Variants in SETDB1 observed in about 807,000 individuals in gnomAD.
SETDB1 encodes the protein SET domain bifurcated histone lysine methyltransferase 1, also known as histone-lysine N-methyltransferase SETDB1.
SETDB1 carries 31 observed loss-of-function variants against 137.4 expected under a neutral mutation model. The observed-to-expected ratio is 0.23, with a 90% CI of 0.17 to 0.30. The LOEUF is 0.30. Among genes scored for constraint, SETDB1 ranks in the 10% least tolerant of loss-of-function variants. The probability of loss-of-function intolerance (pLI) is 1.00; values close to 1 mark genes in which losing one functional copy is unlikely to be tolerated. For synonymous variants in SETDB1, 548 were observed against 579.9 expected, an observed-to-expected ratio of 0.95 and a Z score of 0.79; for missense variants, 1,113 against 1,631.5, an observed-to-expected ratio of 0.68 and a Z score of 5.47.
intron 18 of SETDB1, 28 bp downstream of exon 18, chr1:150,962,747 C>CT (rs772334846): frequency 8.7e-6 from 14 of 1,608,680 alleles, no homozygotes; most frequent in Middle Eastern, 1.7e-4. Context: ...TATTCAGAGT[C>CT]TAATAAAGGA....
At chr1:150,944,595 T>C (rs1670266623) in intron 8 of SETDB1, among the ~76,000 whole-genome samples, 1 of 152,202 alleles carries the variant, frequency 6.6e-6, no homozygotes, top group South Asian at 2.1e-4. Flanking sequence ...ACCTGATCTT[T>C]TTAAATTTAC....
At position 150,947,011 on chromosome 1, in the gene SETDB1, G is replaced by T; in HGVS notation, c.1266G>T (p.Met422Ile). ...KQGQLRTRPN[M>I]GAVRSKGPVV... ...GACAGCTCAGGACACGTCCAAATATGGGTATGTCCTGAAAGATTCCTGGAG... is the reference window on the plus strand; with the variant it reads ...GACAGCTCAGGACACGTCCAAATATTGGTATGTCCTGAAAGATTCCTGGAG... The change falls in exon 10 of 22, where the codon ATG becomes ATT. Residue 422 changes from methionine (M) to isoleucine (I), a missense_variant and splice_region_variant. Physicochemically the swap from Met to Ile is conservative, Grantham distance 10. Transcript: ENST00000692827. 6.2e-7 allele frequency: 1 copy of T among 1,613,878 alleles called. No homozygotes were observed. Among genetic ancestry groups the T allele is most frequent in the South Asian group, 1.1e-5 (1 of 91,060 alleles).
chr1:150,956,825 GAAA>G (rs1670656075), intron 14 of SETDB1, among the ~76,000 whole-genome samples: 1 of 150,460 alleles, frequency 6.6e-6, no homozygotes, highest in Admixed American at 6.6e-5. Flanking sequence ...TTTAAAGTTA[GAAA>G]AAAAAGCTAG....
At chr1:150,936,443 A>G (rs1463143668) in intron 3 of SETDB1, among the ~76,000 whole-genome samples, 2 of 152,208 alleles carry the variant, frequency 1.3e-5, no homozygotes, top group African/African-American at 2.4e-5. Context: ...GACTTCTTCA[A>G]CATTGTGTTG....
intron 3 of SETDB1, among the ~76,000 whole-genome samples, chr1:150,931,726 C>CAAAAAA (rs10691133): frequency 5.3e-4 from 38 of 72,272 alleles, no homozygotes; most frequent in East Asian, 9.1e-4. Flanking sequence ...CTGTCTCACC[C>CAAAAAA]AAAAAAAAAA....
At chr1:150,960,498 AAAC>A in intron 15 of SETDB1, 62 bp from the exon 16 acceptor site, 19 of 1,373,184 alleles carry the variant, frequency 1.4e-5, no homozygotes, top group East Asian at 9.5e-5. Context: ...AAAAAAAAGC[AAAC>A]AAAAAAAAAA....
In SETDB1 at chr1:150,941,480, A is replaced by G. The variant is rs41304267; in HGVS notation, c.547+52A>G. ...AGATGGGAGGTGAATTCTTACAGAG[A>G]TTTTGTCTTAAGTCTTATGTCTGCT... On this transcript the variant is annotated intron_variant, in intron 5 of 21. Transcript: ENST00000692827. 2,901 of 1,117,776 alleles carry G rather than the reference A, an allele frequency of 2.6e-3. 4 individuals carry two copies. The highest frequency in any genetic ancestry group is 3.4e-3 in the Non-Finnish European group (2,504 of 734,358). The allele number at this position is 1,117,776 out of a possible 1,614,324, so 69.2% of individuals were successfully genotyped here.
Position 150,963,521 on chromosome 1 carries a change from C to T in SETDB1, c.3461-9C>T. 6.2e-7 allele frequency: 1 copy of T among 1,604,756 alleles called. No homozygotes were observed. Among genetic ancestry groups the T allele is most frequent in the Non-Finnish European group, 8.5e-7 (1 of 1,174,336 alleles). On this transcript the variant is annotated splice_polypyrimidine_tract_variant and intron_variant, in intron 19 of 21. Coordinates refer to ENST00000692827, the MANE Select transcript of SETDB1 (RefSeq NM_001366418.1). ...GATGGGTCCTGACCCCATTCTCCCT[C>T]CTGTCCAGGTCCAATGAAGCGTCAA...
Position 150,950,525 on chromosome 1 carries a change from G to A in SETDB1, c.1651G>A (p.Val551Ile). 6.2e-7 allele frequency: 1 copy of A among 1,613,956 alleles called. No homozygotes were observed. Among genetic ancestry groups the A allele is most frequent in the Non-Finnish European group, 8.5e-7 (1 of 1,179,930 alleles). ...ACTCCCGGCCCCTCCAGCACCCCCAGTCTTCCATGGCATGCTGGAGCGGGC... is the reference window on the plus strand; with the variant it reads ...ACTCCCGGCCCCTCCAGCACCCCCAATCTTCCATGGCATGCTGGAGCGGGC... ...SALPAPPAPP[V>I]FHGMLERAPA... The change falls in exon 13 of 22, where the codon GTC becomes ATC. Residue 551 changes from valine to isoleucine, a missense_variant. By Grantham distance (29) the Val-to-Ile change is conservative. Coordinates refer to ENST00000692827, the MANE Select transcript of SETDB1 (RefSeq NM_001366418.1).
In SETDB1 at chr1:150,942,853, G is replaced by T. The variant is rs763208166; in HGVS notation, c.675G>T (p.Gly225=). The T allele has an allele frequency of 3.7e-6, 6 of 1,613,430 alleles. No individual in the cohort carries two copies. The highest frequency in any genetic ancestry group is 5.1e-6 in the Non-Finnish European group (6 of 1,179,490). Residue 225 remains glycine (G), a splice_region_variant and synonymous_variant, in exon 7 of 22, where the codon GGG becomes GGT. Transcript: ENST00000692827. ...KGTLIAIQTV[G]PGKKYKVKFD... ...GATTTATCTTTCCCTTTTACTCAGG[G>T]CCAGGGAAGAAATACAAGGTGAAAT...
chr1:150,949,628 A>G, intron 12 of SETDB1, 103 bp downstream of exon 12: 3 of 1,011,642 alleles, frequency 3.0e-6, no homozygotes, highest in Non-Finnish European at 4.4e-6. Context: ...TAAGCTTATG[A>G]TAGTGAGGAG....
chr1:150,962,211 C>G, intron 17 of SETDB1, 53 bp downstream of exon 17: 1 of 1,526,904 alleles, frequency 6.5e-7, no homozygotes, highest in Non-Finnish European at 9.1e-7. Context: ...CTTTGTCACC[C>G]AGGCTGGAGT....
At chr1:150,945,294 A>C in intron 9 of SETDB1, 186 bp downstream of exon 9, 1 of 1,445,372 alleles carries the variant, frequency 6.9e-7, no homozygotes, top group Non-Finnish European at 9.1e-7. Context: ...CATTGTTGAA[A>C]ATAAATTATC....
intron 14 of SETDB1, among the ~76,000 whole-genome samples, chr1:150,956,086 C>A (rs1287653616): frequency 1.9e-5 from 1 of 52,700 alleles, no homozygotes; most frequent in African/African-American, 1.1e-4. Flanking sequence ...AAGGAGACTT[C>A]GTCTCAAAAA....
At chr1:150,937,568 C>T (rs1247824432) in intron 3 of SETDB1, among the ~76,000 whole-genome samples, 7 of 152,094 alleles carry the variant, frequency 4.6e-5, no homozygotes, top group African/African-American at 4.8e-5. Context: ...GCCTGGGCAA[C>T]GTAACGAGAA....
intron 10 of SETDB1, 107 bp from the exon 11 acceptor site, chr1:150,949,015 A>C: frequency 1.7e-6 from 2 of 1,158,284 alleles, no homozygotes; most frequent in Non-Finnish European, 2.5e-6. Context: ...CACTGCGCCC[A>C]GCCATTGCTT....
At chr1:150,961,815 G>T (rs1024493540) in intron 16 of SETDB1, 40 of 357,576 alleles carry the variant, frequency 1.1e-4, no homozygotes, top group Non-Finnish European at 1.8e-4. Context: ...AGAGAAACAA[G>T]AATTGATTTT....
intron 5 of SETDB1, among the ~76,000 whole-genome samples, chr1:150,942,008 C>T (rs182225935): frequency 1.5e-3 from 235 of 151,806 alleles, no homozygotes; most frequent in Admixed American, 9.4e-3. Context: ...GGCGTGGTGG[C>T]GCACGCCTGT....
chr1:150,945,252 T>TA, intron 9 of SETDB1, 144 bp downstream of exon 9: 1 of 1,469,420 alleles, frequency 6.8e-7, no homozygotes, highest in Non-Finnish European at 9.0e-7. Context: ...GGTCAAATTT[T>TA]ACTTTGCCCT....
Sources: allele counts gnomAD v4.1 joint callset (sites outside exome capture counted in the v4.1 genomes callset), GRCh38; gene constraint gnomAD v4.1.1; transcripts MANE v1.5; gene names NCBI Gene and HGNC (gene_info 2026-07-23, HGNC 2026-07-21).